GAL3ST3: variants seen among roughly 807,000 people sequenced by gnomAD.
GAL3ST3 encodes beta-galactose-3-O-sulfotransferase 3.
GAL3ST3 carries 21 observed loss-of-function variants against 20.8 expected under a neutral mutation model. The observed-to-expected ratio is 1.01, with a 90% CI of 0.72 to 1.45. The LOEUF (loss-of-function observed/expected upper bound fraction) is 1.45, where lower values mean the gene tolerates loss of function less well. Among genes scored for constraint, GAL3ST3 ranks in the 40% most tolerant of loss-of-function variants. GAL3ST3 has a pLI of 0.00. For missense variants in GAL3ST3, 739 were observed against 662.7 expected (o/e 1.12, Z -1.26); for synonymous variants, 355 against 307.2 (o/e 1.16, Z -1.63).
chr11:66,047,870 G>A (rs1477862561), intron 1 of GAL3ST3, among the ~76,000 whole-genome samples: 4 of 152,164 alleles, frequency 2.6e-5, no homozygotes, highest in Non-Finnish European at 5.9e-5. Flanking sequence ...CAGTAACCCT[G>A]TCTCCTCTGG....
At chr11:66,047,286 G>C (rs1390939466) in intron 1 of GAL3ST3, among the ~76,000 whole-genome samples, 1 of 152,218 alleles carries the variant, frequency 6.6e-6, no homozygotes, top group Non-Finnish European at 1.5e-5. Context: ...TGATTAGACA[G>C]AAGTGTCCCA....
chr11:66,047,237 C>A (rs181817421), intron 1 of GAL3ST3, among the ~76,000 whole-genome samples: 1 of 152,002 alleles, frequency 6.6e-6, no homozygotes. Context: ...AGGATACACA[C>A]CTTTTTCCTC....
Position 66,043,266 on chromosome 11 carries a change from C to T in GAL3ST3, c.537G>A (p.Ser179=), listed in dbSNP as rs749575594. ...CGGGCGCGCGCAGGAAGGCCTCGAG[C>T]GAGGCGTTGGGTACGCGCCGGAAGG... is the stretch of plus-strand genomic sequence containing the variant. ...CPAFRRVPNA[S]LEAFLRAPEA... Residue 179 remains serine (S), a synonymous_variant, in exon 3 of 3, where the codon TCG becomes TCA. Transcript: ENST00000312006. 3 of 1,611,944 alleles carry T rather than the reference C, an allele frequency of 1.9e-6. No individual in the cohort carries two copies. The highest frequency in any genetic ancestry group is 2.2e-5 in the East Asian group (1 of 44,822).
At chr11:66,047,647 AG>A (rs983812658) in intron 1 of GAL3ST3, among the ~76,000 whole-genome samples, 1 of 152,220 alleles carries the variant, frequency 6.6e-6, no homozygotes, top group Non-Finnish European at 1.5e-5. Context: ...TGTCAATGAC[AG>A]GGTGTTCATC....
rs1856774463 is a variant in GAL3ST3 at position 66,045,543 on chromosome 11, A to G, written c.-112-16T>C. On this transcript the variant is annotated splice_polypyrimidine_tract_variant and intron_variant, in intron 1 of 2. Transcript: ENST00000312006. ...CCCGAGAAGCCTGGCAGAAGAAGGC[A>G]GACGGGTTTGCAGTGGGCAGAGGAG... 7.2e-6 allele frequency: 8 copies of G among 1,115,234 alleles called. No homozygotes were observed. In the South Asian group the frequency reaches 1.5e-4, roughly 20 times the overall value. The allele number at this position is 1,115,234 out of a possible 1,614,324, so 69.1% of individuals were successfully genotyped here. A position where few individuals can be genotyped will look rare whatever the true frequency, so the allele number is the denominator to read the frequency against.
chr11:66,043,048 C>A lies in GAL3ST3; in HGVS notation c.755G>T (p.Arg252Leu). Reference sequence around the variant, plus strand: ...GTCCAGGTCCCAGGCCAGTAGGCGCCGCAGCAGCACTAGCGACTCGTCGAA... The same window carrying A: ...GTCCAGGTCCCAGGCCAGTAGGCGCAGCAGCAGCACTAGCGACTCGTCGAA... ...EYFDESLVLLRRLLAWDLDDV... is the reference protein window; with the variant it reads ...EYFDESLVLLLRLLAWDLDDV... Residue 252 changes from arginine (R) to leucine (L), a missense_variant, in exon 3 of 3, where the codon CGG (arginine) becomes CTG (leucine). Coordinates refer to ENST00000312006, the MANE Select transcript of GAL3ST3 (RefSeq NM_033036.3). 1 of 1,611,132 alleles carries A rather than the reference C, an allele frequency of 6.2e-7. No homozygotes were observed. Among genetic ancestry groups the A allele is most frequent in the Non-Finnish European group, 8.5e-7 (1 of 1,179,212 alleles).
In GAL3ST3 at chr11:66,043,200, T is replaced by C. The variant is rs910798962; in HGVS notation, c.603A>G (p.Ala201=). Residue 201 remains alanine, a synonymous_variant, in exon 3 of 3, where the codon GCA becomes GCG. Coordinates refer to ENST00000312006, the MANE Select transcript of GAL3ST3 (RefSeq NM_033036.3). ...YRAGEHFAMF[A]HNTLAYDLGG... ...CCAGGTCGTAGGCCAGCGTGTTGTGTGCGAACATGGCGAAGTGCTCGCCAG... is the reference window on the plus strand; with the variant it reads ...CCAGGTCGTAGGCCAGCGTGTTGTGCGCGAACATGGCGAAGTGCTCGCCAG... The C allele has an allele frequency of 6.2e-7, 1 of 1,612,280 alleles. No individual in the cohort carries two copies. The highest frequency in any genetic ancestry group is 8.5e-7 in the Non-Finnish European group (1 of 1,179,456).
chr11:66,041,767 G>A lies in GAL3ST3; in HGVS notation c.*740C>T, dbSNP rs1339093731. Among the ~76,000 whole-genome samples the A allele has an allele frequency of 6.6e-6, 1 of 152,216 alleles. No homozygotes were observed. The highest frequency in any genetic ancestry group is 1.5e-5 in the Non-Finnish European group (1 of 68,032). ...CGATGTGGAAAGTGAGTGGGGCTAA[G>A]GTGGCCAGTCTGTGTTGGGGGCCCA... is the stretch of plus-strand genomic sequence containing the variant. On this transcript the variant is annotated 3_prime_UTR_variant, in exon 3 of 3. Coordinates refer to ENST00000312006, the MANE Select transcript of GAL3ST3 (RefSeq NM_033036.3).
In GAL3ST3 at chr11:66,041,782, T is replaced by C. The variant is rs1347364660; in HGVS notation, c.*725A>G. Among the ~76,000 whole-genome samples, 1 of 152,234 alleles carries C rather than the reference T, an allele frequency of 6.6e-6. No individual in the cohort carries two copies. Among genetic ancestry groups the C allele is most frequent in the Non-Finnish European group, 1.5e-5 (1 of 68,038 alleles). ...GTGGGGCTAAGGTGGCCAGTCTGTG[T>C]TGGGGGCCCAGTCGGTCAAGCGGTT... On this transcript the variant is annotated 3_prime_UTR_variant, in exon 3 of 3. Coordinates refer to ENST00000312006, the MANE Select transcript of GAL3ST3 (RefSeq NM_033036.3).
At position 66,043,355 on chromosome 11, in the gene GAL3ST3, T is replaced by C. The variant is rs1172760141; in HGVS notation, c.448A>G (p.Ile150Val). 6.2e-7 allele frequency: 1 copy of C among 1,610,056 alleles called. No homozygotes were observed. Among genetic ancestry groups the C allele is most frequent in the Non-Finnish European group, 8.5e-7 (1 of 1,178,564 alleles). The change falls in exon 3 of 3, where the codon ATC becomes GTC. Residue 150 changes from isoleucine (I) to valine (V), a missense_variant. Transcript: ENST00000312006. ...AACATGGCGGCCGGCTCGCGCAGGATGGTGACATAGACGGTGCTGGGCGGC... is the reference window on the plus strand; with the variant it reads ...AACATGGCGGCCGGCTCGCGCAGGACGGTGACATAGACGGTGCTGGGCGGC... ...LMPPSTVYVT[I>V]LREPAAMFES...
rs1856711357 is a variant in GAL3ST3 at position 66,042,154 on chromosome 11, G to A, written c.*353C>T. On this transcript the variant is annotated 3_prime_UTR_variant, in exon 3 of 3. Transcript: ENST00000312006. ...TCCCTAGGGCTGAGCCTCTCTCCAT[G>A]GGGCCTGGGCTTATCCACTTGGAAA... 1 of 199,914 alleles carries A rather than the reference G, an allele frequency of 5.0e-6. No homozygotes were observed. Among genetic ancestry groups the A allele is most frequent in the Admixed American group, 6.1e-5 (1 of 16,492 alleles). The allele number at this position is 199,914 out of a possible 1,614,324, so 12.4% of individuals were successfully genotyped here. A position where few individuals can be genotyped will look rare whatever the true frequency, so the allele number is the denominator to read the frequency against.
In GAL3ST3 at chr11:66,042,971, C is replaced by T. The variant is rs774791982; in HGVS notation, c.832G>A (p.Ala278Thr). 9 of 1,520,198 alleles carry T rather than the reference C, an allele frequency of 5.9e-6. No homozygotes were observed. In the South Asian group the frequency reaches 7.3e-5, roughly 12 times the overall value. 94.2% of individuals were successfully genotyped at this position (1,520,198 alleles called of 1,614,324 possible). The change falls in exon 3 of 3, where the codon GCC becomes ACC. Residue 278 changes from alanine (A) to threonine (T), a missense_variant. Physicochemically the swap from Ala to Thr is moderately conservative, Grantham distance 58. Transcript: ENST00000312006. ...NARAASSRLA[A>T]IPAALARAAR... ...GCCCGCGCCAGCGCCGCGGGGATGG[C>T]GGCCAGGCGCGAGCTGGCGGCGCGC... is the stretch of plus-strand genomic sequence containing the variant.
rs74907097 is a variant in GAL3ST3 at position 66,042,484 on chromosome 11, A to G, written c.*23T>C. 2,181 of 1,439,646 alleles carry G rather than the reference A, an allele frequency of 1.5e-3. 31 individuals carry two copies. In the East Asian group the frequency reaches 0.034, roughly 23 times the overall value. 89.2% of individuals were successfully genotyped at this position (1,439,646 alleles called of 1,614,324 possible). A position where few individuals can be genotyped will look rare whatever the true frequency, so the allele number is the denominator to read the frequency against. On this transcript the variant is annotated 3_prime_UTR_variant, in exon 3 of 3. Transcript: ENST00000312006. ...CTCCTGGGAGGGCAGGGCAGGACCC[A>G]TACTCCTGGAGGCCTGCGGAGCTCA...
At position 66,043,142 on chromosome 11, in the gene GAL3ST3, CGTCGTCGCGCGGGCTGCGCTCATT is replaced by C. The variant is rs1226946602; in HGVS notation, c.637_660del (p.Asn213_Asp220del). The C allele has an allele frequency of 6.2e-7, 1 of 1,611,452 alleles. No homozygotes were observed. The highest frequency in any genetic ancestry group is 8.5e-7 in the Non-Finnish European group (1 of 1,179,218). On this transcript the variant is annotated inframe_deletion, in exon 3 of 3. Coordinates refer to ENST00000312006, the MANE Select transcript of GAL3ST3 (RefSeq NM_033036.3). ...CGGATGAGGCCCGCCAGGTAGGCGGCGTCGTCGCGCGGGCTGCGCTCATTGTCGCCGCCCAGGTCGTAGGCCAGC... is the reference window on the plus strand; with the variant it reads ...CGGATGAGGCCCGCCAGGTAGGCGGCGTCGCCGCCCAGGTCGTAGGCCAGC...
chr11:66,045,301 G>T lies in GAL3ST3; in HGVS notation c.115C>A (p.Gln39Lys), dbSNP rs1235610268. Residue 39 changes from glutamine (Q) to lysine (K), a missense_variant, in exon 2 of 3, where the codon CAG becomes AAG. By Grantham distance (53) the Gln-to-Lys change is moderately conservative. Transcript: ENST00000312006. ...TVSLLIHQGA[Q>K]LSWYPKLFPL... ...GCCCCGCCCCCTTACCAGCTGAGCT[G>T]CGCCCCCTGGTGGATGAGAAGGCTT... 6.3e-7 allele frequency: 1 copy of T among 1,578,538 alleles called. No individual in the cohort carries two copies. The highest frequency in any genetic ancestry group is 8.6e-7 in the Non-Finnish European group (1 of 1,162,094).
In GAL3ST3 at chr11:66,043,395, C is replaced by G. The variant is rs544993814; in HGVS notation, c.408G>C (p.Glu136Asp). The G allele has an allele frequency of 1.9e-5, 31 of 1,610,134 alleles. No homozygotes were observed. The East Asian group carries it at 5.6e-4, about 29-fold the overall frequency. Residue 136 changes from glutamate (E) to aspartate (D), a missense_variant, in exon 3 of 3, where the codon GAG becomes GAC. Transcript: ENST00000312006. ...LASHLRFDRAELERLMPPSTV... is the reference protein window; with the variant it reads ...LASHLRFDRADLERLMPPSTV... ...TGCTGGGCGGCATGAGGCGCTCCAGCTCCGCACGGTCGAAGCGCAGGTGGC... is the reference window on the plus strand; with the variant it reads ...TGCTGGGCGGCATGAGGCGCTCCAGGTCCGCACGGTCGAAGCGCAGGTGGC...
chr11:66,046,288 CT>C (rs1856782376), intron 1 of GAL3ST3, among the ~76,000 whole-genome samples: 1 of 152,222 alleles, frequency 6.6e-6, no homozygotes, highest in Non-Finnish European at 1.5e-5. Flanking sequence ...GCCCTAGACT[CT>C]GGCAATTCTG....
Sources: gnomAD v4.1 joint callset for allele counts (sites outside exome capture counted in the v4.1 genomes callset) on GRCh38, gnomAD v4.1.1 for gene constraint, MANE v1.5 for transcripts, NCBI Gene and HGNC (gene_info 2026-07-23, HGNC 2026-07-21) for gene names.